Variants in EXD3 observed in about 807,000 individuals in gnomAD.
The protein encoded by EXD3 is exonuclease 3'-5' domain containing 3, also known as exonuclease mut-7 homolog.
In EXD3, 92 loss-of-function variants were observed where a neutral mutation model predicts 98.0. The ratio of observed to expected loss-of-function variants is 0.94; its 90% CI spans 0.79 to 1.12. EXD3 has a LOEUF of 1.12. Ranked by LOEUF, EXD3 falls within the 50% of genes most tolerant of loss-of-function variation. The pLI is 0.00. For missense variants in EXD3, 1,222 were observed against 1,191.6 expected, an observed-to-expected ratio of 1.03 and a Z score of -0.38; for synonymous variants, 569 against 526.0, an observed-to-expected ratio of 1.08 and a Z score of -1.12.
rs1349759721 is a variant in EXD3, at chr9:137,385,244, C to T, written c.56-1867G>A. On this transcript the variant is annotated intron_variant, in intron 2 of 21. Coordinates refer to ENST00000340951, the MANE Select transcript of EXD3 (RefSeq NM_017820.5). The surrounding 1 kb of genome is among the most constrained non-coding windows in gnomAD (Gnocchi z 4.4). ...GTGCACAGTGTGCTGCATACAGAGG[C>T]TGAGAACACTCAAATGTCCACTGTA... Among the ~76,000 whole-genome samples, 1 of 152,186 alleles carries T rather than the reference C, an allele frequency of 6.6e-6. No homozygotes were observed. The highest frequency in any genetic ancestry group is 2.4e-5 in the African/African-American group (1 of 41,460).
chr9:137,400,768 A>G (rs1837444949), intron 1 of EXD3, among the ~76,000 whole-genome samples: 1 of 152,132 alleles, frequency 6.6e-6, no homozygotes, highest in Admixed American at 6.6e-5. Context: ...CCATCTCAAA[A>G]AAAAAAAAAA....
chr9:137,372,209 C>T (rs1835655107), intron 5 of EXD3, among the ~76,000 whole-genome samples: 1 of 152,236 alleles, frequency 6.6e-6, no homozygotes, highest in African/African-American at 2.4e-5. Context: ...CTCCCGCCAG[C>T]AGCCAGTGAA....
At chr9:137,400,704 G>C (rs1837439986) in intron 1 of EXD3, among the ~76,000 whole-genome samples, 1 of 151,598 alleles carries the variant, frequency 6.6e-6, no homozygotes, top group Non-Finnish European at 1.5e-5. Context: ...GGTGGAGGTT[G>C]CAATGAGCCG....
chr9:137,353,029 GCCT>G, intron 10 of EXD3: 1 of 1,337,324 alleles, frequency 7.5e-7, no homozygotes, highest in East Asian at 3.3e-5. Context: ...GCCCCGGCTG[GCCT>G]TCCGGGTCTC....
rs560336321 is a variant in EXD3 at position 137,354,851 on chromosome 9, G to A, written c.758-78C>T. 2.3e-5 allele frequency: 32 copies of A among 1,396,460 alleles called. No individual in the cohort carries two copies. In the East Asian group the frequency reaches 2.7e-4, roughly 12 times the overall value. The allele number at this position is 1,396,460 out of a possible 1,614,324, so 86.5% of individuals were successfully genotyped here. Reference sequence around the variant, plus strand: ...CCTCCTTCTGGGGCGGGCTGGAGACGGGCAGAGGGGCTGCGCCTGCCCCTT... The same window carrying A: ...CCTCCTTCTGGGGCGGGCTGGAGACAGGCAGAGGGGCTGCGCCTGCCCCTT... On this transcript the variant is annotated intron_variant, in intron 8 of 21. Transcript: ENST00000340951.
At position 137,379,089 on chromosome 9, in the gene EXD3, G is replaced by A. The variant is rs533025378; in HGVS notation, c.120+4224C>T. ...GAGGGGTACGGGGTTTGTGGGTGAC[G>A]GTGACCATTGCCTGTGGCCGAGGGG... On this transcript the variant is annotated intron_variant, in intron 3 of 21. Transcript: ENST00000340951. Among the ~76,000 whole-genome samples, 122 of 107,244 alleles carry A rather than the reference G, an allele frequency of 1.1e-3. 1 individual carries two copies. The highest frequency in any genetic ancestry group is 1.9e-3 in the Non-Finnish European group (100 of 51,952). 70.4% of individuals were successfully genotyped at this position (107,244 alleles called of 152,430 possible). A position where few individuals can be genotyped will look rare whatever the true frequency, so the allele number is the denominator to read the frequency against.
At chr9:137,341,130 A>T (rs1833636060) in intron 17 of EXD3, among the ~76,000 whole-genome samples, 1 of 152,220 alleles carries the variant, frequency 6.6e-6, no homozygotes. Flanking sequence ...AGCCTGGACA[A>T]CATAGCGAGA....
intron 19 of EXD3, among the ~76,000 whole-genome samples, chr9:137,310,812 C>G (rs1831319184): frequency 6.6e-6 from 1 of 152,178 alleles, no homozygotes; most frequent in South Asian, 2.1e-4. Context: ...CTTCTGATGT[C>G]AGAGCACCCT....
Position 137,351,185 on chromosome 9 carries a change from G to T in EXD3, c.1385-38C>A, listed in dbSNP as rs753517574. On this transcript the variant is annotated intron_variant, in intron 13 of 21. Coordinates refer to ENST00000340951, the MANE Select transcript of EXD3 (RefSeq NM_017820.5). ...ACCATCGTGGGAGGGGCGCCTGCAGGCAGGGACCGCACTGTCCCCTGACCC... is the reference window on the plus strand; with the variant it reads ...ACCATCGTGGGAGGGGCGCCTGCAGTCAGGGACCGCACTGTCCCCTGACCC... 8 of 1,543,152 alleles carry T rather than the reference G, an allele frequency of 5.2e-6. No individual in the cohort carries two copies. The Admixed American group carries it at 1.6e-4, about 30-fold the overall frequency.
Position 137,369,501 on chromosome 9 carries a change from G to A in EXD3, c.463-1512C>T, listed in dbSNP as rs144868200. Among the ~76,000 whole-genome samples the A allele has an allele frequency of 2.8e-4, 42 of 152,320 alleles. No individual in the cohort carries two copies. In the East Asian group the frequency reaches 3.9e-3, roughly 14 times the overall value. On this transcript the variant is annotated intron_variant, in intron 5 of 21. Transcript: ENST00000340951. ...GGAAGTGGAGGATGGGGCTGCGCCC[G>A]GCACCTCCTTGGGACCAGGCCCTGA...
chr9:137,369,145 G>A (rs966074427), intron 5 of EXD3, among the ~76,000 whole-genome samples: 1 of 148,762 alleles, frequency 6.7e-6, no homozygotes. Flanking sequence ...GCGCAGGGCC[G>A]GGGCGGGGCC....
intron 17 of EXD3, among the ~76,000 whole-genome samples, chr9:137,332,300 C>T (rs1047796855): frequency 5.3e-5 from 8 of 152,012 alleles, no homozygotes; most frequent in Admixed American, 2.0e-4. Flanking sequence ...GGAAAAAGAA[C>T]GAATCTAGGC....
At chr9:137,352,591 C>T in intron 11 of EXD3, 29 bp downstream of exon 11, 2 of 1,513,388 alleles carry the variant, frequency 1.3e-6, no homozygotes, top group Non-Finnish European at 8.9e-7. Context: ...GAACCCACCC[C>T]TGGCTGGGGT....
In EXD3 at chr9:137,373,010, G is replaced by C. The variant is rs200027265; in HGVS notation, c.357C>G (p.Pro119=). 78 of 1,603,618 alleles carry C rather than the reference G, an allele frequency of 4.9e-5. No individual in the cohort carries two copies. The highest frequency in any genetic ancestry group is 6.1e-5 in the Non-Finnish European group (72 of 1,178,600). The change falls in exon 5 of 22, where the codon CCC becomes CCG. Residue 119 remains proline (P), a synonymous_variant. Coordinates refer to ENST00000340951, the MANE Select transcript of EXD3 (RefSeq NM_017820.5). ...RAVKVLTESP[P]SLAAPLASIF... Reference sequence around the variant, plus strand: ...TGCTGGCCAGTGGTGCCGCAAGGCTGGGGGGGCTCTCAGTGAGGACTTTGA... The same window carrying C: ...TGCTGGCCAGTGGTGCCGCAAGGCTCGGGGGGCTCTCAGTGAGGACTTTGA...
rs1437092562 is a variant in EXD3, at chr9:137,407,437, C to T, written c.-47-12033G>A. 1.3e-5 allele frequency among the ~76,000 whole-genome samples: 2 copies of T among 152,240 alleles called. No individual in the cohort carries two copies. The highest frequency in any genetic ancestry group is 2.9e-5 in the Non-Finnish European group (2 of 68,040). On this transcript the variant is annotated intron_variant, in intron 1 of 21. Coordinates refer to ENST00000340951, the MANE Select transcript of EXD3 (RefSeq NM_017820.5). The surrounding 1 kb of genome is among the most constrained non-coding windows in gnomAD (Gnocchi z 4.4). The stretch of plus-strand genomic sequence containing the variant: ...ATCTGCCCCCGGCTCACCGCAGGCC[C>T]TTTCCTGGGGGCCTCTGTGCCGTGC...
chr9:137,332,443 C>T (rs376214810), intron 17 of EXD3, among the ~76,000 whole-genome samples: 15 of 150,214 alleles, frequency 1.0e-4, no homozygotes, highest in Admixed American at 4.7e-4. Flanking sequence ...AAAAAATTAC[C>T]GGGCATGGTA....
intron 17 of EXD3, among the ~76,000 whole-genome samples, chr9:137,330,511 TACGCAGGACC>T (rs1391372844): frequency 3.4e-4 from 45 of 133,658 alleles, no homozygotes; most frequent in South Asian, 9.7e-4. Flanking sequence ...TACACAGGAC[TACGCAGGACC>T]ACACAGGAGC....
chr9:137,395,545 G>T lies in EXD3; in HGVS notation c.-47-141C>A, dbSNP rs541574975. On this transcript the variant is annotated intron_variant, in intron 1 of 21. Transcript: ENST00000340951. The surrounding 1 kb of genome is among the most constrained non-coding windows in gnomAD (Gnocchi z 6.5). ...GTGGGACCCCCAGTCGCTGAGCATA[G>T]CGGGCAGCTCCACACTCCTCTCCCA... 2.7e-6 allele frequency: 2 copies of T among 731,412 alleles called. No homozygotes were observed. The highest frequency in any genetic ancestry group is 3.6e-5 in the South Asian group (2 of 56,082). 45.3% of individuals were successfully genotyped at this position (731,412 alleles called of 1,614,324 possible).
chr9:137,328,262 C>T (rs1450364438), intron 17 of EXD3, among the ~76,000 whole-genome samples: 1 of 124,126 alleles, frequency 8.1e-6, no homozygotes, highest in Non-Finnish European at 1.8e-5. Context: ...GTAAAAACAA[C>T]AAATAAACAC....
Sources: allele counts gnomAD v4.1 joint callset (sites outside exome capture counted in the v4.1 genomes callset), GRCh38; gene constraint gnomAD v4.1.1; non-coding constraint Gnocchi (gnomAD v3.1); transcripts MANE v1.5; gene names NCBI Gene and HGNC (gene_info 2026-07-23, HGNC 2026-07-21).